ALPL: variants seen among roughly 807,000 people sequenced by gnomAD.
ALPL encodes alkaline phosphatase, biomineralization associated.
ALPL carries 42 observed loss-of-function variants against 51.3 expected under a neutral mutation model. The ratio of observed to expected loss-of-function variants is 0.82; its 90% CI spans 0.64 to 1.06. The LOEUF (loss-of-function observed/expected upper bound fraction) is 1.06. Among genes scored for constraint, ALPL ranks in the 50% least tolerant of loss-of-function variants. ALPL has a pLI of 0.00. For synonymous variants in ALPL, 279 were observed against 296.4 expected (o/e 0.94, Z 0.60); for missense variants, 589 against 709.4 (o/e 0.83, Z 1.93).
intron 2 of ALPL, among the ~76,000 whole-genome samples, chr1:21,556,660 C>T (rs1644417909): frequency 6.6e-6 from 1 of 151,836 alleles, no homozygotes; most frequent in Non-Finnish European, 1.5e-5. Flanking sequence ...AGCTTCTGGC[C>T]GGGAATGGTG....
At chr1:21,514,096 C>G (rs1643745266) in intron 1 of ALPL, among the ~76,000 whole-genome samples, 1 of 152,200 alleles carries the variant, frequency 6.6e-6, no homozygotes, top group South Asian at 2.1e-4. Flanking sequence ...AGCCCCTCTT[C>G]CATAGCCTGG....
chr1:21,522,374 A>G (rs1643892679), intron 1 of ALPL, among the ~76,000 whole-genome samples: 1 of 152,158 alleles, frequency 6.6e-6, no homozygotes, highest in Non-Finnish European at 1.5e-5. Context: ...GCACCCGGCC[A>G]GGTTTGTTTA....
chr1:21,510,840 G>A (rs974862240), intron 1 of ALPL, among the ~76,000 whole-genome samples: 1 of 152,138 alleles, frequency 6.6e-6, no homozygotes, highest in African/African-American at 2.4e-5. Context: ...CCACTCCCTG[G>A]CCCCATGCAT....
chr1:21,556,150 G>T (rs1644411297), intron 2 of ALPL, among the ~76,000 whole-genome samples: 1 of 152,148 alleles, frequency 6.6e-6, no homozygotes, highest in East Asian at 1.9e-4. Flanking sequence ...GACACTAGGG[G>T]TTCAACTAAT....
intron 2 of ALPL, among the ~76,000 whole-genome samples, chr1:21,555,674 T>C (rs1347620668): frequency 6.6e-6 from 1 of 152,206 alleles, no homozygotes; most frequent in African/African-American, 2.4e-5. Context: ...CGCCTTGGCC[T>C]CCCAAAGTGC....
rs118052397 is a variant in ALPL, at chr1:21,560,067, A to G, written c.62-559A>G. On this transcript the variant is annotated intron_variant, in intron 2 of 11. Coordinates refer to ENST00000374840, the MANE Select transcript of ALPL (RefSeq NM_000478.6). ...ATCACCTGGCTCCTTTAAATTTGACATATTAAGCAAAAGGCAAGCTTCGCT... is the reference window on the plus strand; with the variant it reads ...ATCACCTGGCTCCTTTAAATTTGACGTATTAAGCAAAAGGCAAGCTTCGCT... Among the ~76,000 whole-genome samples the G allele has an allele frequency of 3.9e-5, 6 of 152,360 alleles. No homozygotes were observed. In the East Asian group the frequency reaches 1.2e-3, roughly 29 times the overall value.
At chr1:21,534,107 C>G (rs1487726512) in intron 1 of ALPL, among the ~76,000 whole-genome samples, 1 of 152,084 alleles carries the variant, frequency 6.6e-6, no homozygotes, top group African/African-American at 2.4e-5. Flanking sequence ...GTCTCAGCCT[C>G]CTGAGTGGCT....
intron 1 of ALPL, among the ~76,000 whole-genome samples, chr1:21,536,663 A>T (rs555706159): frequency 1.3e-5 from 2 of 152,182 alleles, no homozygotes; most frequent in Admixed American, 1.3e-4. Flanking sequence ...TTCCAGCTGG[A>T]GCCAGTCAGG....
intron 1 of ALPL, among the ~76,000 whole-genome samples, chr1:21,516,694 TA>T (rs1331531738): frequency 1.3e-5 from 2 of 152,228 alleles, no homozygotes; most frequent in Non-Finnish European, 2.9e-5. Context: ...CTATTTATCT[TA>T]AAACCATCCA....
chr1:21,560,076 A>C (rs1223736037), intron 2 of ALPL, among the ~76,000 whole-genome samples: 4 of 152,258 alleles, frequency 2.6e-5, no homozygotes, highest in African/African-American at 9.6e-5. Flanking sequence ...CATATTAAGC[A>C]AAAGGCAAGC....
chr1:21,540,947 G>T (rs1644175979), intron 1 of ALPL, among the ~76,000 whole-genome samples: 1 of 152,174 alleles, frequency 6.6e-6, no homozygotes, highest in Non-Finnish European at 1.5e-5. Flanking sequence ...TTGGAGATGG[G>T]AGCCCTTTGA....
At chr1:21,521,541 A>T (rs1643883532) in intron 1 of ALPL, among the ~76,000 whole-genome samples, 1 of 152,138 alleles carries the variant, frequency 6.6e-6, no homozygotes, top group Admixed American at 6.5e-5. Context: ...TGGCTTTGTT[A>T]CCATGGGGAA....
At chr1:21,523,692 C>T (rs977753642) in intron 1 of ALPL, among the ~76,000 whole-genome samples, 2 of 152,170 alleles carry the variant, frequency 1.3e-5, no homozygotes, top group African/African-American at 2.4e-5. Context: ...CGGGTACTGC[C>T]CAGGACAAGC....
intron 1 of ALPL, among the ~76,000 whole-genome samples, chr1:21,550,495 A>G (rs940700551): frequency 2.0e-5 from 3 of 152,164 alleles, no homozygotes; most frequent in African/African-American, 7.2e-5. Context: ...CAGCACATAG[A>G]CTTGCTTTCA....
At chr1:21,575,516 T>C (rs1644714641) in intron 9 of ALPL, among the ~76,000 whole-genome samples, 1 of 152,218 alleles carries the variant, frequency 6.6e-6, no homozygotes, top group Non-Finnish European at 1.5e-5. Flanking sequence ...CCCCCATGCA[T>C]GTGCCTTTGG....
intron 8 of ALPL, among the ~76,000 whole-genome samples, chr1:21,571,768 T>G (rs1644653308): frequency 6.6e-6 from 1 of 152,092 alleles, no homozygotes. Flanking sequence ...GGCAGGTTGA[T>G]CACTTGAGCC....
At chr1:21,576,309 G>A (rs1644736585) in intron 10 of ALPL, among the ~76,000 whole-genome samples, 1 of 151,644 alleles carries the variant, frequency 6.6e-6, no homozygotes. Flanking sequence ...ATGGATGGGT[G>A]GATGGATGAA....
At chr1:21,557,817 T>C (rs887886959) in intron 2 of ALPL, among the ~76,000 whole-genome samples, 7 of 152,162 alleles carry the variant, frequency 4.6e-5, no homozygotes, top group African/African-American at 1.7e-4. Context: ...TGACATATAT[T>C]TATACCCATG....
Position 21,515,884 on chromosome 1 carries a change from T to TG in ALPL, c.-105+6367_-105+6368insG, listed in dbSNP as rs1553404494. Among the ~76,000 whole-genome samples the TG allele has an allele frequency of 3.3e-4, 47 of 141,634 alleles. No homozygotes were observed. The East Asian group carries it at 5.5e-3, about 17-fold the overall frequency. The allele number at this position is 141,634 out of a possible 152,430, so 92.9% of individuals were successfully genotyped here. On this transcript the variant is annotated intron_variant, in intron 1 of 11. Coordinates refer to ENST00000374840, the MANE Select transcript of ALPL (RefSeq NM_000478.6). ...TGTTTGTTTGTTTTGTTGTTGTTGT[T>TG]TTTTGAGACAGGGTCTAGTGGCTCT...
Sources: gnomAD v4.1 joint callset for allele counts (sites outside exome capture counted in the v4.1 genomes callset) on GRCh38, gnomAD v4.1.1 for gene constraint, MANE v1.5 for transcripts, NCBI Gene and HGNC (gene_info 2026-07-23, HGNC 2026-07-21) for gene names.